NR1I2: variants seen among roughly 807,000 people sequenced by gnomAD.
NR1I2 encodes the protein nuclear receptor subfamily 1 group I member 2, also known as orphan nuclear receptor PAR1.
NR1I2 carries 42 observed loss-of-function variants against 43.3 expected under a neutral mutation model. The ratio of observed to expected loss-of-function variants is 0.97; its 90% CI spans 0.76 to 1.26. The LOEUF (loss-of-function observed/expected upper bound fraction) is 1.26, where lower values mean the gene tolerates loss of function less well. Among genes scored for constraint, NR1I2 ranks in the 50% most tolerant of loss-of-function variants. The pLI, the probability that NR1I2 is intolerant of heterozygous loss-of-function variation, is 0.00. For missense variants in NR1I2, 559 were observed against 566.7 expected (o/e 0.99, Z 0.14); for synonymous variants, 229 against 215.0 (o/e 1.06, Z -0.57).
intron 1 of NR1I2, among the ~76,000 whole-genome samples, chr3:119,793,587 G>A (rs1183717446): frequency 1.3e-5 from 2 of 152,154 alleles, no homozygotes; most frequent in Admixed American, 1.3e-4. Context: ...CTTAGCATCT[G>A]ACCCTTTTTC....
Position 119,787,606 on chromosome 3 carries a change from T to C in NR1I2, c.-23+5306T>C, listed in dbSNP as rs142019689. ...GAAATTCAGTATTCTTATATTACATTCCCCTTACTTGCTTTTTTCTCTTTA... is the reference window on the plus strand; with the variant it reads ...GAAATTCAGTATTCTTATATTACATCCCCCTTACTTGCTTTTTTCTCTTTA... On this transcript the variant is annotated intron_variant, in intron 1 of 8. Coordinates refer to ENST00000393716, the MANE Select transcript of NR1I2 (RefSeq NM_003889.4). Among the ~76,000 whole-genome samples, 8 of 151,992 alleles carry C rather than the reference T, an allele frequency of 5.3e-5. No homozygotes were observed. The East Asian group carries it at 1.2e-3, about 22-fold the overall frequency.
At chr3:119,790,030 A>G (rs918822616) in intron 1 of NR1I2, among the ~76,000 whole-genome samples, 2 of 152,104 alleles carry the variant, frequency 1.3e-5, no homozygotes, top group Non-Finnish European at 2.9e-5. Context: ...TGTGCAGCCA[A>G]TCTCCAGAGG....
At chr3:119,807,680 C>T (rs1448112065) in intron 2 of NR1I2, among the ~76,000 whole-genome samples, 2 of 152,224 alleles carry the variant, frequency 1.3e-5, no homozygotes, top group African/African-American at 4.8e-5. Context: ...TTGGTTTCTC[C>T]ATGTGCTCTT....
chr3:119,807,094 T>C (rs549229765), intron 1 of NR1I2, 135 bp from the exon 2 acceptor site: 2 of 756,116 alleles, frequency 2.6e-6, no homozygotes, highest in South Asian at 3.1e-5. Context: ...CCCGCTTTTT[T>C]TCCCCATGAG....
At chr3:119,794,525 G>T (rs1187302631) in intron 1 of NR1I2, among the ~76,000 whole-genome samples, 2 of 145,236 alleles carry the variant, frequency 1.4e-5, no homozygotes, top group Non-Finnish European at 3.0e-5. Context: ...ATAGGGTCTT[G>T]CTATATTGTC....
intron 8 of NR1I2, 58 bp from the exon 9 acceptor site, chr3:119,817,010 T>C (rs1025571837): frequency 2.5e-6 from 4 of 1,611,620 alleles, no homozygotes; most frequent in Non-Finnish European, 3.4e-6. Context: ...AGAGCAGCCC[T>C]GAGGCTTGTG....
At chr3:119,803,179 A>G (rs2055103667) in intron 1 of NR1I2, among the ~76,000 whole-genome samples, 1 of 151,956 alleles carries the variant, frequency 6.6e-6, no homozygotes, top group Admixed American at 6.5e-5. Flanking sequence ...TAAAAATGAA[A>G]AAAAAAAAGT....
intron 5 of NR1I2, among the ~76,000 whole-genome samples, chr3:119,813,920 A>G (rs568500320): frequency 1.3e-5 from 2 of 152,288 alleles, no homozygotes; most frequent in South Asian, 4.2e-4. Flanking sequence ...CTGAGGTGTC[A>G]CTGCCATCTT....
chr3:119,817,458 G>C lies in NR1I2; in HGVS notation c.*246G>C. 1 of 1,369,998 alleles carries C rather than the reference G, an allele frequency of 7.3e-7. No homozygotes were observed. The highest frequency in any genetic ancestry group is 1.5e-5 in the African/African-American group (1 of 68,474). The allele number at this position is 1,369,998 out of a possible 1,614,324, so 84.9% of individuals were successfully genotyped here. ...TCTTACGTGGAGAGTGCACTGACCT[G>C]TAGGTCAGGACCATCAGAGAGGCAA... On this transcript the variant is annotated 3_prime_UTR_variant, in exon 9 of 9. Coordinates refer to ENST00000393716, the MANE Select transcript of NR1I2 (RefSeq NM_003889.4).
rs147582230 is a variant in NR1I2 at position 119,782,836 on chromosome 3, G to A, written c.-23+536G>A. On this transcript the variant is annotated intron_variant, in intron 1 of 8. Coordinates refer to ENST00000393716, the MANE Select transcript of NR1I2 (RefSeq NM_003889.4). ...CATACCCCTGCACAGTGCTGCGGCT[G>A]AGTTGGCTTCAAACCAGTGAGTTTT... 5.0e-6 allele frequency: 8 copies of A among 1,614,136 alleles called. No individual in the cohort carries two copies. In the African/African-American group the frequency reaches 9.3e-5, roughly 19 times the overall value.
chr3:119,785,636 C>T (rs10934499), intron 1 of NR1I2, among the ~76,000 whole-genome samples: 109,744 of 152,054 alleles, frequency 0.72, 42,261 homozygotes, highest in East Asian at 1. Flanking sequence ...AATCCAGGCC[C>T]CAGGCCTACA....
chr3:119,808,900 T>A (rs992791918), intron 2 of NR1I2, among the ~76,000 whole-genome samples: 1 of 152,232 alleles, frequency 6.6e-6, no homozygotes, highest in Non-Finnish European at 1.5e-5. Context: ...TTTTACCCAT[T>A]CTCAGTGGAC....
At chr3:119,806,398 G>A (rs180785302) in intron 1 of NR1I2, among the ~76,000 whole-genome samples, 22 of 152,142 alleles carry the variant, frequency 1.4e-4, no homozygotes, top group Admixed American at 9.8e-4. Context: ...GATCCTCCCC[G>A]CTCAGCTTCC....
intron 1 of NR1I2, among the ~76,000 whole-genome samples, chr3:119,786,061 C>T (rs937413040): frequency 6.6e-6 from 1 of 152,144 alleles, no homozygotes; most frequent in African/African-American, 2.4e-5. Flanking sequence ...CTTATCATAT[C>T]TCCATAGTTA....
intron 5 of NR1I2, 59 bp downstream of exon 5, chr3:119,813,019 T>G: frequency 3.8e-6 from 6 of 1,567,220 alleles, no homozygotes; most frequent in Non-Finnish European, 5.2e-6. Context: ...GCCAGGAGGT[T>G]CAAAGGGCCT....
At position 119,811,429 on chromosome 3, in the gene NR1I2, C is replaced by G. The variant is rs528042449; in HGVS notation, c.332-110C>G. On this transcript the variant is annotated intron_variant, in intron 3 of 8. Coordinates refer to ENST00000393716, the MANE Select transcript of NR1I2 (RefSeq NM_003889.4). ...GAATTGCTTGTCACCATTACTTTCT[C>G]TTTTGCCTAACGGCTTCTGCTGCCT... The G allele has an allele frequency of 1.0e-5, 11 of 1,088,940 alleles. No individual in the cohort carries two copies. In the South Asian group the frequency reaches 1.8e-4, roughly 18 times the overall value. The allele number at this position is 1,088,940 out of a possible 1,614,324, so 67.5% of individuals were successfully genotyped here. A position where few individuals can be genotyped will look rare whatever the true frequency, so the allele number is the denominator to read the frequency against.
Position 119,811,752 on chromosome 3 carries a change from A to T in NR1I2, c.519+26A>T, listed in dbSNP as rs778276644. The T allele has an allele frequency of 3.8e-6, 6 of 1,575,008 alleles. No homozygotes were observed. In the Admixed American group the frequency reaches 1.1e-4, roughly 28 times the overall value. Reference sequence around the variant, plus strand: ...GTAGGAGGAACTGCACAGTGACCCGAGGTGTCACTGCCATCTTCATTCTCA... The same window carrying T: ...GTAGGAGGAACTGCACAGTGACCCGTGGTGTCACTGCCATCTTCATTCTCA... On this transcript the variant is annotated intron_variant, in intron 4 of 8. Transcript: ENST00000393716.
rs2055219534 is a variant in NR1I2, at chr3:119,810,199, G to A, written c.331+5G>A. 2 of 1,596,084 alleles carry A rather than the reference G, an allele frequency of 1.3e-6. No homozygotes were observed. The highest frequency in any genetic ancestry group is 1.7e-5 in the Admixed American group (1 of 57,382). On this transcript the variant is annotated splice_donor_5th_base_variant and intron_variant, in intron 3 of 8. Coordinates refer to ENST00000393716, the MANE Select transcript of NR1I2 (RefSeq NM_003889.4). ...AGAGCGGCATGAAGAAGGAGAGTGA[G>A]CAGTGGGCGCGCGGGCGGGCCGGCG...
intron 1 of NR1I2, chr3:119,782,733 G>GC (rs3841391): frequency 0.37 from 592,901 of 1,584,538 alleles, 112,825 homozygotes; most frequent in Middle Eastern, 0.41. Flanking sequence ...AGTGCTGGCA[G>GC]CCCCCTGAGG....
Sources: gnomAD v4.1 joint callset for allele counts (sites outside exome capture counted in the v4.1 genomes callset) on GRCh38, gnomAD v4.1.1 for gene constraint, MANE v1.5 for transcripts, NCBI Gene and HGNC (gene_info 2026-07-23, HGNC 2026-07-21) for gene names.